Variants in MYBPC1 observed in about 807,000 individuals in gnomAD.
The protein encoded by MYBPC1 is myosin binding protein C1.
A neutral mutation model predicts 147.1 loss-of-function variants in MYBPC1; 52 were observed. The ratio of observed to expected loss-of-function variants is 0.35; its 90% CI spans 0.28 to 0.45. The LOEUF (loss-of-function observed/expected upper bound fraction) is 0.45. Among genes scored for constraint, MYBPC1 ranks in the 20% least tolerant of loss-of-function variants. MYBPC1 has a pLI of 1.00. For missense variants in MYBPC1, 1,228 were observed against 1,440.3 expected (o/e 0.85, Z 2.39); for synonymous variants, 477 against 475.9 (o/e 1.00, Z -0.03).
At chr12:101,690,748 T>C (rs1432608774), downstream of MYBPC1, among the ~76,000 whole-genome samples, 1 of 152,208 alleles carries the variant, frequency 6.6e-6, no homozygotes, top group African/African-American at 2.4e-5. Context: ...TGCGAAATTT[T>C]GTTTTCTGAT....
In MYBPC1 at chr12:101,642,515, T is replaced by C. The variant is rs1173413820; in HGVS notation, c.762T>C (p.Tyr254=). The C allele has an allele frequency of 2.1e-5, 34 of 1,613,682 alleles. No individual in the cohort carries two copies. The highest frequency in any genetic ancestry group is 2.8e-5 in the Non-Finnish European group (33 of 1,179,918). ...PSEYEKIAFQ[Y]GITDLRGMLK... is the part of the protein sequence containing the mutation. ...AGTACGAGAAGATCGCCTTCCAGTA[T>C]GGAATCACCGACCTGCGCGGCATGC... Residue 254 remains tyrosine, a synonymous_variant, in exon 11 of 32, where the codon TAT becomes TAC. Coordinates refer to ENST00000361466, the MANE Select transcript of MYBPC1 (RefSeq NM_002465.4).
At chr12:101,598,540 C>A (rs116842673) in intron 1 of MYBPC1, among the ~76,000 whole-genome samples, 2 of 152,032 alleles carry the variant, frequency 1.3e-5, no homozygotes, top group African/African-American at 2.4e-5. Context: ...TAACATCCTG[C>A]GACAACTGTT....
chr12:101,650,104 T>C (rs757335572), intron 15 of MYBPC1, among the ~76,000 whole-genome samples: 8 of 152,196 alleles, frequency 5.3e-5, no homozygotes, highest in Non-Finnish European at 8.8e-5. Flanking sequence ...CTGTGGCCAT[T>C]TTAGTTTAAC....
intron 18 of MYBPC1, among the ~76,000 whole-genome samples, chr12:101,654,306 T>G (rs1593926409): frequency 6.6e-6 from 1 of 152,198 alleles, no homozygotes; most frequent in Non-Finnish European, 1.5e-5. Context: ...CAGATTTACC[T>G]ACTCACTTGA....
At chr12:101,653,377 A>C in intron 18 of MYBPC1, 129 bp downstream of exon 18, 1 of 1,247,634 alleles carries the variant, frequency 8.0e-7, no homozygotes, top group South Asian at 1.3e-5. Context: ...TACAGTAAAG[A>C]TGTAATTCCT....
chr12:101,682,420 C>T (rs1024495494), intron 29 of MYBPC1, among the ~76,000 whole-genome samples, 184 bp from the exon 30 acceptor site: 7 of 151,918 alleles, frequency 4.6e-5, no homozygotes, highest in East Asian at 1.9e-4. Flanking sequence ...TACATAAGTT[C>T]GTAATAAAGT....
intron 30 of MYBPC1, among the ~76,000 whole-genome samples, chr12:101,683,971 T>C (rs1353278240): frequency 1.3e-5 from 2 of 152,202 alleles, no homozygotes; most frequent in African/African-American, 4.8e-5. Flanking sequence ...TCAACATATA[T>C]ATATGTACAC....
intron 25 of MYBPC1, 116 bp from the exon 26 acceptor site, chr12:101,675,176 A>T: frequency 7.2e-7 from 1 of 1,393,332 alleles, no homozygotes; most frequent in Non-Finnish European, 1.0e-6. Flanking sequence ...GGTAGGGTCT[A>T]GAAGAGTGAT....
At chr12:101,634,720 C>T (rs572069571) in intron 9 of MYBPC1, 115 bp downstream of exon 9, 25 of 835,288 alleles carry the variant, frequency 3.0e-5, no homozygotes, top group African/African-American at 2.9e-4. Flanking sequence ...CACTTTTCAC[C>T]GCAAAAACAC....
intron 10 of MYBPC1, among the ~76,000 whole-genome samples, chr12:101,640,784 T>C (rs1301709544): frequency 6.6e-6 from 1 of 152,146 alleles, no homozygotes; most frequent in Non-Finnish European, 1.5e-5. Context: ...CCTGCATATT[T>C]TATCCATGAT....
At chr12:101,611,021 G>A (rs1884088213) in intron 1 of MYBPC1, among the ~76,000 whole-genome samples, 1 of 152,152 alleles carries the variant, frequency 6.6e-6, no homozygotes, top group African/African-American at 2.4e-5. Context: ...TATGCACTAG[G>A]TCCTACATGC....
chr12:101,639,399 C>A (rs1295480756), intron 10 of MYBPC1, among the ~76,000 whole-genome samples: 1 of 152,128 alleles, frequency 6.6e-6, no homozygotes, highest in Non-Finnish European at 1.5e-5. Flanking sequence ...TGGTAAGTAA[C>A]TAAAGATATG....
intron 10 of MYBPC1, among the ~76,000 whole-genome samples, chr12:101,642,062 G>A (rs1593844418): frequency 6.6e-6 from 1 of 152,030 alleles, no homozygotes; most frequent in East Asian, 1.9e-4. Context: ...CCATATCCTA[G>A]ATGAAAACTG....
At chr12:101,595,325 A>T (rs1038305174) in intron 1 of MYBPC1, among the ~76,000 whole-genome samples, 1 of 152,226 alleles carries the variant, frequency 6.6e-6, no homozygotes, top group African/African-American at 2.4e-5. Flanking sequence ...GACTAAAATT[A>T]TCAAATGATA....
At chr12:101,684,514 A>T in intron 31 of MYBPC1, 90 bp downstream of exon 31, 1 of 980,048 alleles carries the variant, frequency 1.0e-6, no homozygotes, top group Non-Finnish European at 1.6e-6. Flanking sequence ...TTCATTACAT[A>T]ATCCAATGAA....
chr12:101,662,311 T>A (rs755215643), intron 20 of MYBPC1, 47 bp from the exon 21 acceptor site: 3 of 1,597,124 alleles, frequency 1.9e-6, no homozygotes, highest in Non-Finnish European at 2.6e-6. Flanking sequence ...AATGTTTAAT[T>A]TCAGAGACCA....
At chr12:101,679,157 A>AAAG (rs1555255960) in intron 28 of MYBPC1, among the ~76,000 whole-genome samples, 6 of 151,940 alleles carry the variant, frequency 3.9e-5, no homozygotes, top group Non-Finnish European at 7.4e-5. Flanking sequence ...TCAAAAAAAA[A>AAAG]AAAAAAAGGA....
chr12:101,677,744 A>G (rs1275274881), intron 27 of MYBPC1, among the ~76,000 whole-genome samples: 1 of 152,192 alleles, frequency 6.6e-6, no homozygotes, highest in Admixed American at 6.5e-5. Flanking sequence ...CCACTCTGTG[A>G]TAAAAGGAGA....
At chr12:101,630,493 C>T (rs1463022394) in intron 6 of MYBPC1, among the ~76,000 whole-genome samples, 1 of 152,212 alleles carries the variant, frequency 6.6e-6, no homozygotes, top group Non-Finnish European at 1.5e-5. Context: ...GTATTTTGAA[C>T]AGTGCCTGAC....
Sources: gnomAD v4.1 joint callset for allele counts (sites outside exome capture counted in the v4.1 genomes callset) on GRCh38, gnomAD v4.1.1 for gene constraint, MANE v1.5 for transcripts, NCBI Gene and HGNC (gene_info 2026-07-23, HGNC 2026-07-21) for gene names.